SHTN1: variants seen among roughly 807,000 people sequenced by gnomAD.
SHTN1 encodes shootin-1.
In SHTN1, 42 loss-of-function variants were observed where a neutral mutation model predicts 83.1. That is an observed-to-expected ratio of 0.51 (90% CI 0.39 to 0.65). SHTN1 has a LOEUF of 0.65. Among genes scored for constraint, SHTN1 ranks in the 30% least tolerant of loss-of-function variants. SHTN1 has a pLI of 0.00. For missense variants in SHTN1, 622 were observed against 737.8 expected (o/e 0.84, Z 1.82); for synonymous variants, 224 against 247.7 (o/e 0.90, Z 0.90).
chr10:117,114,346 G>A (rs1370298441), intron 1 of SHTN1, among the ~76,000 whole-genome samples: 2 of 152,174 alleles, frequency 1.3e-5, no homozygotes, highest in South Asian at 2.1e-4. Flanking sequence ...ATAATAAAAT[G>A]AGCCTCAGAG....
rs189589067 is a variant in SHTN1 at position 116,922,616 on chromosome 10, A to G, written c.1113-1100T>C. The stretch of plus-strand genomic sequence containing the variant: ...CTGAGACCTTCATAAAGTGAATTAT[A>G]TATCACTGAATATGAATAGACTTAA... On this transcript the variant is annotated intron_variant, in intron 11 of 16. Coordinates refer to ENST00000355371, the MANE Select transcript of SHTN1 (RefSeq NM_001127211.3). Among the ~76,000 whole-genome samples, 8 of 152,332 alleles carry G rather than the reference A, an allele frequency of 5.3e-5. No homozygotes were observed. The South Asian group carries it at 6.2e-4, about 12-fold the overall frequency.
At chr10:116,927,622 C>T (rs946247652) in intron 11 of SHTN1, among the ~76,000 whole-genome samples, 170 bp downstream of exon 11, 4 of 152,194 alleles carry the variant, frequency 2.6e-5, no homozygotes, top group African/African-American at 9.6e-5. Flanking sequence ...AGCTACAATT[C>T]AAGAGGAAAT....
intron 1 of SHTN1, among the ~76,000 whole-genome samples, chr10:117,117,799 G>A (rs1245731668): frequency 6.6e-6 from 1 of 152,124 alleles, no homozygotes. Flanking sequence ...AGAAAGGACA[G>A]TCTCTTCAAT....
chr10:117,093,982 T>C (rs1416514910), intron 1 of SHTN1, among the ~76,000 whole-genome samples: 2 of 152,200 alleles, frequency 1.3e-5, no homozygotes, highest in Non-Finnish European at 2.9e-5. Flanking sequence ...TCTTCCAATA[T>C]ATTATTTTTG....
intron 1 of SHTN1, among the ~76,000 whole-genome samples, chr10:117,093,394 A>C (rs946390610): frequency 1.3e-5 from 2 of 152,110 alleles, no homozygotes; most frequent in African/African-American, 4.8e-5. Context: ...GAAATGAAAA[A>C]AAAAGCCACG....
At chr10:116,900,359 T>C in intron 16 of SHTN1, 1 of 612,828 alleles carries the variant, frequency 1.6e-6, no homozygotes, top group African/African-American at 1.8e-5. Context: ...CTTTATGGCA[T>C]CTAACAACTG....
chr10:116,932,017 G>A (rs1230673884), intron 9 of SHTN1, among the ~76,000 whole-genome samples: 4 of 152,234 alleles, frequency 2.6e-5, no homozygotes, highest in South Asian at 4.1e-4. Flanking sequence ...ATAGTTTTTC[G>A]ACTTTACAAT....
intron 1 of SHTN1, among the ~76,000 whole-genome samples, chr10:117,116,354 G>GAA (rs1853847563): frequency 6.6e-6 from 1 of 152,042 alleles, no homozygotes; most frequent in Admixed American, 6.6e-5. Context: ...AACCTACCAA[G>GAA]ACTGAACCAT....
chr10:117,083,231 G>C (rs11492665), intron 1 of SHTN1, among the ~76,000 whole-genome samples: 68,586 of 111,042 alleles, frequency 0.62, 23,639 homozygotes, highest in Middle Eastern at 0.81. Context: ...GGCAGTCCTG[G>C]TGGTGACAAA....
At chr10:117,005,397 G>T, upstream of SHTN1, 3 of 1,184,460 alleles carry the variant, frequency 2.5e-6, no homozygotes, top group South Asian at 6.4e-5. Context: ...CGCGCTGGTG[G>T]GAGGGGGGGC....
Position 116,929,996 on chromosome 10 carries a change from C to A in SHTN1, c.865G>T (p.Glu289Ter), listed in dbSNP as rs765800253. ...TCATTTTCTAGTTGCTCTTCTAATT[C>A]TTTGACCTATAAGTTATTTAAAAAA... ...ERIQHQQKVK[E>*]LEEQLENETL... Residue 289 changes from glutamate to a stop codon, truncating the protein, a stop_gained, in exon 10 of 17, where the codon GAA (glutamate) becomes TAA (stop). Coordinates refer to ENST00000355371, the MANE Select transcript of SHTN1 (RefSeq NM_001127211.3). LOFTEE classifies it high-confidence loss of function. 1 of 1,563,440 alleles carries A rather than the reference C, an allele frequency of 6.4e-7. No individual in the cohort carries two copies. Among genetic ancestry groups the A allele is most frequent in the Non-Finnish European group, 8.6e-7 (1 of 1,156,540 alleles).
chr10:116,906,045 A>G (rs568817696), intron 15 of SHTN1, among the ~76,000 whole-genome samples: 102 of 152,364 alleles, frequency 6.7e-4, no homozygotes, highest in Middle Eastern at 3.4e-3. Context: ...TAATGGATAC[A>G]AAGAGTAAAG....
intron 9 of SHTN1, 145 bp downstream of exon 9, chr10:116,940,321 A>G: frequency 1.5e-6 from 1 of 673,296 alleles, no homozygotes; most frequent in Admixed American, 3.1e-5. Context: ...TTTTTCTAAA[A>G]GGTGGTTGAA....
At chr10:116,916,640 A>G (rs893353795) in intron 12 of SHTN1, among the ~76,000 whole-genome samples, 2 of 152,226 alleles carry the variant, frequency 1.3e-5, no homozygotes, top group Non-Finnish European at 2.9e-5. Flanking sequence ...AGGCTTTGCA[A>G]TAAGGAGGCC....
At chr10:117,123,397 C>T (rs866513150) in intron 1 of SHTN1, among the ~76,000 whole-genome samples, 1 of 152,130 alleles carries the variant, frequency 6.6e-6, no homozygotes, top group Non-Finnish European at 1.5e-5. Context: ...CCATTTGATG[C>T]CACTTAAATT....
chr10:117,018,297 A>G (rs2133561830), intron 2 of SHTN1, among the ~76,000 whole-genome samples: 1 of 152,290 alleles, frequency 6.6e-6, no homozygotes, highest in African/African-American at 2.4e-5. Context: ...TTTTCTGTAA[A>G]TCTAAAATTA....
intron 2 of SHTN1, among the ~76,000 whole-genome samples, chr10:117,024,622 T>A (rs1434371253): frequency 1.3e-5 from 2 of 152,046 alleles, no homozygotes; most frequent in Non-Finnish European, 2.9e-5. Context: ...CCTCCCAAAG[T>A]GCTGGGATTA....
chr10:117,006,239 T>G (rs1019039322), upstream of SHTN1, among the ~76,000 whole-genome samples: 117 of 21,654 alleles, frequency 5.4e-3, no homozygotes, highest in Non-Finnish European at 0.054. Context: ...AGTTTTTTTT[T>G]GTTTTTTTTT....
intron 2 of SHTN1, among the ~76,000 whole-genome samples, chr10:116,978,031 T>C (rs1306657150): frequency 6.6e-6 from 1 of 151,982 alleles, no homozygotes; most frequent in African/African-American, 2.4e-5. Flanking sequence ...AATCACCTGA[T>C]GAAGGCAAGA....
Sources: gnomAD v4.1 joint callset for allele counts (sites outside exome capture counted in the v4.1 genomes callset) on GRCh38, gnomAD v4.1.1 for gene constraint, MANE v1.5 for transcripts, NCBI Gene and HGNC (gene_info 2026-07-23, HGNC 2026-07-21) for gene names.